The following PWWP2B variants were observed in gnomAD, a reference collection of about 807,000 sequenced individuals.
PWWP2B encodes the protein PWWP domain-containing protein 2B.
In PWWP2B, 9 loss-of-function variants were observed where a neutral mutation model predicts 15.5. The ratio of observed to expected loss-of-function variants is 0.58; its 90% CI spans 0.35 to 1.02. PWWP2B has a LOEUF of 1.02. Ranked by LOEUF, PWWP2B falls within the 50% of genes least tolerant of loss-of-function variation. The pLI is 0.02. For synonymous variants in PWWP2B, 474 were observed against 403.6 expected (o/e 1.17, Z -2.09); for missense variants, 864 against 865.3 (o/e 1.00, Z 0.02).
chr10:132,397,456 C>G (rs2069552553), intron 1 of PWWP2B, 105 bp downstream of exon 1: 1 of 1,083,696 alleles, frequency 9.2e-7, no homozygotes, highest in Non-Finnish European at 1.1e-6. Context: ...TGGCGTGGCC[C>G]CGGCGCCCGC....
intron 2 of PWWP2B, among the ~76,000 whole-genome samples, chr10:132,411,652 C>T (rs1352066447): frequency 1.3e-5 from 2 of 152,244 alleles, no homozygotes; most frequent in Non-Finnish European, 2.9e-5. Context: ...TTGATTTCTC[C>T]TGGGAAATAA....
Position 132,405,622 on chromosome 10 carries a change from CGGT to C in PWWP2B, c.1125_1127del (p.Gly376del). ...CGGCGCCCTGTGCGGACGGCCCTGC[CGGT>C]GGGCTGGCGGACTTGTCTTCTGGAA... On this transcript the variant is annotated inframe_deletion, in exon 2 of 3. Coordinates refer to ENST00000305233, the MANE Select transcript of PWWP2B (RefSeq NM_138499.4). The C allele has an allele frequency of 6.2e-7, 1 of 1,612,156 alleles. No homozygotes were observed. Among genetic ancestry groups the C allele is most frequent in the South Asian group, 1.1e-5 (1 of 91,082 alleles).
At position 132,404,786 on chromosome 10, in the gene PWWP2B, A is replaced by ACCCCCCCCCCCCCCCCCCC; in HGVS notation, c.288_289insCCCCCCCCCCCCCCCCCCC (p.Thr97ProfsTer89). 1 of 1,460,274 alleles carries ACCCCCCCCCCCCCCCCCCC rather than the reference A, an allele frequency of 6.8e-7. No individual in the cohort carries two copies. The highest frequency in any genetic ancestry group is 9.3e-7 in the Non-Finnish European group (1 of 1,076,454). The allele number at this position is 1,460,274 out of a possible 1,614,324, so 90.5% of individuals were successfully genotyped here. ...TGCCCGCGGGGTTCAGCCCCCCGAG[A>ACCCCCCCCCCCCCCCCCCC]CCACCCGCCCCGAGCCACCCCCGCC... On this transcript the variant is annotated frameshift_variant, in exon 2 of 3. Transcript: ENST00000305233. LOFTEE classifies it high-confidence loss of function.
At chr10:132,411,303 A>G (rs551205526) in intron 2 of PWWP2B, among the ~76,000 whole-genome samples, 3 of 152,282 alleles carry the variant, frequency 2.0e-5, no homozygotes, top group Admixed American at 1.3e-4. Context: ...GCATCTGGGG[A>G]CCCGTAGATA....
intron 1 of PWWP2B, among the ~76,000 whole-genome samples, chr10:132,404,021 GACGGC>G (rs2069647100): frequency 3.3e-5 from 2 of 60,162 alleles, no homozygotes; most frequent in South Asian, 5.0e-4. Context: ...GCTCCTGCAG[GACGGC>G]ATTCTCCAGG....
At chr10:132,400,830 G>T (rs1768005945) in intron 1 of PWWP2B, among the ~76,000 whole-genome samples, 1 of 152,252 alleles carries the variant, frequency 6.6e-6, no homozygotes, top group East Asian at 1.9e-4. Context: ...ACAACAGGGT[G>T]TCCTTTCCTG....
chr10:132,417,116 G>A lies in PWWP2B; in HGVS notation c.*72G>A. Reference sequence around the variant, plus strand: ...CTGGAGCTTCCGATCTCTGTTCGGGGACCCTGTGAGCCTTCTGGCCGGCTG... The same window carrying A: ...CTGGAGCTTCCGATCTCTGTTCGGGAACCCTGTGAGCCTTCTGGCCGGCTG... On this transcript the variant is annotated 3_prime_UTR_variant, in exon 3 of 3. Transcript: ENST00000305233. 1 of 1,612,888 alleles carries A rather than the reference G, an allele frequency of 6.2e-7. No individual in the cohort carries two copies. Among genetic ancestry groups the A allele is most frequent in the Non-Finnish European group, 8.5e-7 (1 of 1,179,072 alleles).
In PWWP2B at chr10:132,397,285, C is replaced by T; in HGVS notation, c.59C>T (p.Ala20Val). ...PVRVEQVVNG[A>V]LVVTVSCGER... ...CGGGTGGAGCAGGTCGTCAACGGCG[C>T]GCTGGTGGTCACGGTGAGCTGCGGC... Residue 20 changes from alanine (A) to valine (V), a missense_variant, in exon 1 of 3, where the codon GCG (alanine) becomes GTG (valine). Around this residue, in one of 2 missense-constraint regions of PWWP2B, gnomAD observed 736 missense variants for 687.7 expected, o/e 1.07. Coordinates refer to ENST00000305233, the MANE Select transcript of PWWP2B (RefSeq NM_138499.4). 7.1e-7 allele frequency: 1 copy of T among 1,417,924 alleles called. No homozygotes were observed. Among genetic ancestry groups the T allele is most frequent in the Non-Finnish European group, 9.3e-7 (1 of 1,075,702 alleles). The allele number at this position is 1,417,924 out of a possible 1,614,324, so 87.8% of individuals were successfully genotyped here.
At chr10:132,415,696 C>T (rs893261993) in intron 2 of PWWP2B, among the ~76,000 whole-genome samples, 12 of 132,908 alleles carry the variant, frequency 9.0e-5, no homozygotes, top group Non-Finnish European at 1.9e-4. Flanking sequence ...CACACACATG[C>T]ACTCTCACAC....
At chr10:132,415,212 T>A (rs1049949601) in intron 2 of PWWP2B, among the ~76,000 whole-genome samples, 3 of 151,182 alleles carry the variant, frequency 2.0e-5, no homozygotes, top group Admixed American at 2.0e-4. Flanking sequence ...ACATCCACTC[T>A]CACACACACA....
rs150415129 is a variant in PWWP2B, at chr10:132,403,510, G to A, written c.126-1116G>A. ...ACGCGCTCACAGCAGCTTGTTGGGC[G>A]GGATGAGGCCAACAGGGGACAGGGC... On this transcript the variant is annotated intron_variant, in intron 1 of 2. Transcript: ENST00000305233. Among the ~76,000 whole-genome samples the A allele has an allele frequency of 2.6e-3, 391 of 152,324 alleles. 2 individuals carry two copies. The highest frequency in any genetic ancestry group is 0.018 in the South Asian group (86 of 4,828).
chr10:132,411,145 G>A (rs949106860), intron 2 of PWWP2B, among the ~76,000 whole-genome samples: 1 of 152,160 alleles, frequency 6.6e-6, no homozygotes, highest in Non-Finnish European at 1.5e-5. Context: ...GAGTCAAGGC[G>A]AGCAGGGCTG....
chr10:132,403,524 A>C (rs1186134529), intron 1 of PWWP2B, among the ~76,000 whole-genome samples: 1 of 152,158 alleles, frequency 6.6e-6, no homozygotes, highest in Non-Finnish European at 1.5e-5. Flanking sequence ...TGAGGCCAAC[A>C]GGGGACAGGG....
In PWWP2B at chr10:132,417,410, T is replaced by G; in HGVS notation, c.*366T>G. The G allele has an allele frequency of 5.0e-6, 2 of 396,252 alleles. No homozygotes were observed. Among genetic ancestry groups the G allele is most frequent in the Non-Finnish European group, 9.2e-6 (2 of 218,158 alleles). 24.5% of individuals were successfully genotyped at this position (396,252 alleles called of 1,614,324 possible). On this transcript the variant is annotated 3_prime_UTR_variant, in exon 3 of 3. Transcript: ENST00000305233. ...CTCACCTGCTGCCCGCATGCTGGGG[T>G]CCCATGGAGGAACCAGGCCTGGCGC...
Position 132,417,103 on chromosome 10 carries a change from A to T in PWWP2B, c.*59A>T. 6.2e-7 allele frequency: 1 copy of T among 1,613,214 alleles called. No individual in the cohort carries two copies. The highest frequency in any genetic ancestry group is 8.5e-7 in the Non-Finnish European group (1 of 1,179,486). On this transcript the variant is annotated 3_prime_UTR_variant, in exon 3 of 3. Transcript: ENST00000305233. Reference sequence around the variant, plus strand: ...CGCACCTGCTGTCCTGGAGCTTCCGATCTCTGTTCGGGGACCCTGTGAGCC... The same window carrying T: ...CGCACCTGCTGTCCTGGAGCTTCCGTTCTCTGTTCGGGGACCCTGTGAGCC...
chr10:132,404,955 G>C lies in PWWP2B; in HGVS notation c.455G>C (p.Arg152Pro). 6.3e-7 allele frequency: 1 copy of C among 1,591,544 alleles called. No homozygotes were observed. The highest frequency in any genetic ancestry group is 8.5e-7 in the Non-Finnish European group (1 of 1,176,314). Reference sequence around the variant, plus strand: ...CCGCCCAGGACCATCAAGCGCACGCGGCGGCGTCTGTCCCGCAACCGCGAC... The same window carrying C: ...CCGCCCAGGACCATCAAGCGCACGCCGCGGCGTCTGTCCCGCAACCGCGAC... ...QPPPRTIKRT[R>P]RRLSRNRDPG... The change falls in exon 2 of 3, where the codon CGG (arginine) becomes CCG (proline). Residue 152 changes from arginine (R) to proline (P), a missense_variant. Arg to Pro is a moderately radical substitution (Grantham distance 103). Around this residue, in one of 2 missense-constraint regions of PWWP2B, gnomAD observed 736 missense variants for 687.7 expected, o/e 1.07. Transcript: ENST00000305233.
chr10:132,403,746 G>A (rs1402839385), intron 1 of PWWP2B, among the ~76,000 whole-genome samples: 2 of 152,362 alleles, frequency 1.3e-5, no homozygotes, highest in East Asian at 1.9e-4. Flanking sequence ...TTGGTGTCCC[G>A]GCTGTGGCAG....
At chr10:132,400,955 G>A (rs543338411) in intron 1 of PWWP2B, among the ~76,000 whole-genome samples, 3 of 152,222 alleles carry the variant, frequency 2.0e-5, no homozygotes, top group Non-Finnish European at 4.4e-5. Context: ...TGGGGAAGCC[G>A]TGGGGAGGCG....
At chr10:132,397,488 A>T in intron 1 of PWWP2B, 137 bp downstream of exon 1, 3 of 821,068 alleles carry the variant, frequency 3.7e-6, no homozygotes, top group Non-Finnish European at 4.4e-6. Flanking sequence ...GCCGAGCCTG[A>T]GTTTCGGGGC....
Sources: gnomAD v4.1 joint callset for allele counts (sites outside exome capture counted in the v4.1 genomes callset) on GRCh38, gnomAD v4.1.1 for gene constraint, gnomAD v4.1.1 regional missense constraint, MANE v1.5 for transcripts, NCBI Gene and HGNC (gene_info 2026-07-23, HGNC 2026-07-21) for gene names.